ELFN1: variants seen among roughly 807,000 people sequenced by gnomAD.
The protein encoded by ELFN1 is protein ELFN1.
A neutral mutation model predicts 7.6 loss-of-function variants in ELFN1; 6 were observed. That is an observed-to-expected ratio of 0.79 (90% CI 0.43 to 1.56). ELFN1 has a LOEUF of 1.56. ELFN1 is among the 40% of genes most tolerant of loss of function. ELFN1 has a pLI of 0.01. For synonymous variants in ELFN1, 657 were observed against 588.1 expected, an observed-to-expected ratio of 1.12 and a Z score of -1.70; for missense variants, 1,169 against 1,232.2, an observed-to-expected ratio of 0.95 and a Z score of 0.77.
At chr7:1,672,673 C>T (rs887023897) in intron 1 of ELFN1, among the ~76,000 whole-genome samples, 2 of 152,128 alleles carry the variant, frequency 1.3e-5, no homozygotes, top group African/African-American at 4.8e-5. Flanking sequence ...TCTAAGCACT[C>T]AGGAAAGCCT....
chr7:1,684,634 C>G (rs1779029795), intron 1 of ELFN1, among the ~76,000 whole-genome samples: 2 of 151,980 alleles, frequency 1.3e-5, no homozygotes, highest in South Asian at 4.1e-4. Context: ...GAGTTATTTT[C>G]TTATTGGTTG....
chr7:1,747,330 A>G lies in ELFN1; in HGVS notation c.*247A>G. ...CACACACACACACACACACACACAC[A>G]CACACGAGGGACTTCGGAAAACTGT... On this transcript the variant is annotated 3_prime_UTR_variant, in exon 4 of 4. Coordinates refer to ENST00000424383, the MANE Select transcript of ELFN1 (RefSeq NM_001128636.4). 4.2e-6 allele frequency: 1 copy of G among 238,748 alleles called. No individual in the cohort carries two copies. The allele number at this position is 238,748 out of a possible 1,614,324, so 14.8% of individuals were successfully genotyped here. A position where few individuals can be genotyped will look rare whatever the true frequency, so the allele number is the denominator to read the frequency against.
chr7:1,721,508 G>A (rs1269662969), intron 3 of ELFN1, among the ~76,000 whole-genome samples: 1 of 152,234 alleles, frequency 6.6e-6, no homozygotes, highest in African/African-American at 2.4e-5. Context: ...CATAGTAGGT[G>A]CTTTAAACGC....
chr7:1,743,974 G>A (rs939096668), intron 3 of ELFN1, among the ~76,000 whole-genome samples: 68 of 152,186 alleles, frequency 4.5e-4, no homozygotes, highest in African/African-American at 1.4e-3. Flanking sequence ...CAGGGACCTC[G>A]ATTCTGGGCT....
chr7:1,670,788 C>A lies in ELFN1; in HGVS notation c.-549+434C>A, dbSNP rs1157839913. Among the ~76,000 whole-genome samples, 1 of 152,208 alleles carries A rather than the reference C, an allele frequency of 6.6e-6. No homozygotes were observed. The highest frequency in any genetic ancestry group is 1.5e-5 in the Non-Finnish European group (1 of 68,030). ...CACCTCCTGGCCGAGTCGCTGACCC[C>A]TCCCCAGGCTCGCATCGCCCTCCCT... is the stretch of plus-strand genomic sequence containing the variant. On this transcript the variant is annotated intron_variant, in intron 1 of 3. Transcript: ENST00000424383. The surrounding 1 kb of genome is among the most constrained non-coding windows in gnomAD (Gnocchi z 6.4).
intron 1 of ELFN1, among the ~76,000 whole-genome samples, chr7:1,679,458 G>T (rs1191057932): frequency 1.3e-5 from 2 of 152,198 alleles, no homozygotes; most frequent in African/African-American, 4.8e-5. Context: ...CCCGGGGCCT[G>T]CTCTGGGGTC....
chr7:1,698,402 G>A (rs896723503), intron 2 of ELFN1, among the ~76,000 whole-genome samples: 1 of 152,156 alleles, frequency 6.6e-6, no homozygotes, highest in Non-Finnish European at 1.5e-5. Flanking sequence ...GCTTCCTGTC[G>A]GGTGAGGAAT....
At chr7:1,728,329 C>T (rs1375497196) in intron 3 of ELFN1, among the ~76,000 whole-genome samples, 1 of 152,260 alleles carries the variant, frequency 6.6e-6, no homozygotes, top group African/African-American at 2.4e-5. Flanking sequence ...CAAGGGGCAG[C>T]CTCTTTCAGA....
intron 2 of ELFN1, among the ~76,000 whole-genome samples, chr7:1,699,638 CATAA>C (rs913414468): frequency 6.6e-6 from 1 of 152,010 alleles, no homozygotes; most frequent in Non-Finnish European, 1.5e-5. Flanking sequence ...AAGACTCCAT[CATAA>C]ATAAATAAAT....
chr7:1,678,365 C>T (rs536089238), intron 1 of ELFN1, among the ~76,000 whole-genome samples: 7 of 152,340 alleles, frequency 4.6e-5, no homozygotes, highest in East Asian at 3.9e-4. Flanking sequence ...GCAGCTCTCC[C>T]GCCCCACCCT....
In ELFN1 at chr7:1,673,488, C is replaced by T. The variant is rs989061258; in HGVS notation, c.-549+3134C>T. Among the ~76,000 whole-genome samples, 1 of 152,196 alleles carries T rather than the reference C, an allele frequency of 6.6e-6. No individual in the cohort carries two copies. The highest frequency in any genetic ancestry group is 1.5e-5 in the Non-Finnish European group (1 of 68,032). On this transcript the variant is annotated intron_variant, in intron 1 of 3. Transcript: ENST00000424383. This position sits in a 1 kb window ranked among gnomAD's most constrained non-coding sequence, Gnocchi z 4.7. ...CACTCGAGCCCAGCACCGTGCCCCCCCTCCCCGCCCCCTGCCCCGGATGTC... is the reference window on the plus strand; with the variant it reads ...CACTCGAGCCCAGCACCGTGCCCCCTCTCCCCGCCCCCTGCCCCGGATGTC...
chr7:1,691,303 AG>A (rs781464308), intron 2 of ELFN1, among the ~76,000 whole-genome samples: 3 of 152,282 alleles, frequency 2.0e-5, no homozygotes, highest in Non-Finnish European at 4.4e-5. Flanking sequence ...AGGTTGATGC[AG>A]GGAGTCTGGG....
intron 3 of ELFN1, among the ~76,000 whole-genome samples, chr7:1,712,820 C>T (rs1023711680): frequency 4.6e-5 from 7 of 152,240 alleles, no homozygotes; most frequent in African/African-American, 2.4e-5. Context: ...CCTCTGGCGT[C>T]CCTCTTTTAT....
chr7:1,747,794 C>A lies in ELFN1; in HGVS notation c.*711C>A. On this transcript the variant is annotated 3_prime_UTR_variant, in exon 4 of 4. Transcript: ENST00000424383. The stretch of plus-strand genomic sequence containing the variant: ...CGTCCCCCAGCCCAGCCCCCATGTA[C>A]ACTGTAGTCGTTCTATTGTACAGAA... The A allele has an allele frequency of 6.1e-6, 1 of 164,134 alleles. No individual in the cohort carries two copies. 10.2% of individuals were successfully genotyped at this position (164,134 alleles called of 1,614,324 possible). A position where few individuals can be genotyped will look rare whatever the true frequency, so the allele number is the denominator to read the frequency against.
chr7:1,695,747 CAAAAAAAAAAAA>C lies in ELFN1; in HGVS notation c.-456+7611_-456+7622del, dbSNP rs34132549. Among the ~76,000 whole-genome samples the C allele has an allele frequency of 6.8e-5, 4 of 59,210 alleles. No homozygotes were observed. Among genetic ancestry groups the C allele is most frequent in the South Asian group, 8.4e-4 (1 of 1,186 alleles). 38.8% of individuals were successfully genotyped at this position (59,210 alleles called of 152,430 possible). A position where few individuals can be genotyped will look rare whatever the true frequency, so the allele number is the denominator to read the frequency against. On this transcript the variant is annotated intron_variant, in intron 2 of 3. Transcript: ENST00000424383. This position sits in a 1 kb window ranked among gnomAD's most constrained non-coding sequence, Gnocchi z 5.1. ...TGGGTGACAGAGCGAGACTCCGTGT[CAAAAAAAAAAAA>C]AAAAAAAAAAAAACCGTGCTGGTTT...
chr7:1,743,479 G>C (rs1049129435), intron 3 of ELFN1, among the ~76,000 whole-genome samples: 2 of 152,198 alleles, frequency 1.3e-5, no homozygotes, highest in Admixed American at 6.5e-5. Flanking sequence ...ACCAAGGTGA[G>C]GTGCAGACAG....
chr7:1,711,577 A>AGAGT (rs1779654215), intron 3 of ELFN1, among the ~76,000 whole-genome samples: 8 of 5,604 alleles, frequency 1.4e-3, no homozygotes, highest in African/African-American at 7.2e-3. Context: ...CGAGAGAGTG[A>AGAGT]GAGAGAGAGA....
In ELFN1 at chr7:1,746,959, A is replaced by G; in HGVS notation, c.2363A>G (p.Lys788Arg). 1 of 1,552,806 alleles carries G rather than the reference A, an allele frequency of 6.4e-7. No individual in the cohort carries two copies. Among genetic ancestry groups the G allele is most frequent in the Non-Finnish European group, 8.7e-7 (1 of 1,148,650 alleles). Residue 788 changes from lysine to arginine, a missense_variant, in exon 4 of 4, where the codon AAG becomes AGG. Coordinates refer to ENST00000424383, the MANE Select transcript of ELFN1 (RefSeq NM_001128636.4). ...TTCAGACTGAGCCGCCGGCGGCACA[A>G]GGAGGAAGAGGAGTTCATGGCCGCG... ...ERFRLSRRRH[K>R]EEEEFMAAGH...
chr7:1,733,201 C>T (rs1054437332), intron 3 of ELFN1, among the ~76,000 whole-genome samples: 6 of 152,180 alleles, frequency 3.9e-5, no homozygotes, highest in African/African-American at 1.4e-4. Context: ...GCACCCAGCC[C>T]ACATTTTTAT....
Sources: allele counts gnomAD v4.1 joint callset (sites outside exome capture counted in the v4.1 genomes callset), GRCh38; gene constraint gnomAD v4.1.1; non-coding constraint Gnocchi (gnomAD v3.1); transcripts MANE v1.5; gene names NCBI Gene and HGNC (gene_info 2026-07-23, HGNC 2026-07-21).